The following FAM204A variants were observed in gnomAD, a reference collection of about 807,000 sequenced individuals.
FAM204A encodes the protein protein FAM204A.
A neutral mutation model predicts 35.4 loss-of-function variants in FAM204A; 16 were observed. The ratio of observed to expected loss-of-function variants is 0.45; its 90% CI spans 0.31 to 0.69. The LOEUF is 0.69. Among genes scored for constraint, FAM204A ranks in the 30% least tolerant of loss-of-function variants. FAM204A has a pLI of 0.07. For missense variants in FAM204A, 240 were observed against 265.7 expected, an observed-to-expected ratio of 0.90 and a Z score of 0.67; for synonymous variants, 76 against 86.9, an observed-to-expected ratio of 0.88 and a Z score of 0.70.
At chr10:118,333,863 T>TA (rs1275187061) in intron 6 of FAM204A, among the ~76,000 whole-genome samples, 3 of 152,306 alleles carry the variant, frequency 2.0e-5, no homozygotes, top group African/African-American at 7.2e-5. Context: ...ATGATGGATT[T>TA]AAAATCAGAG....
intron 7 of FAM204A, among the ~76,000 whole-genome samples, chr10:118,317,952 C>A (rs1846056903): frequency 6.6e-6 from 1 of 151,976 alleles, no homozygotes; most frequent in Admixed American, 6.6e-5. Context: ...ACACACATAT[C>A]CTTCCCAGAG....
intron 7 of FAM204A, chr10:118,311,539 G>A: frequency 4.9e-6 from 2 of 407,352 alleles, no homozygotes; most frequent in Non-Finnish European, 8.6e-6. Context: ...CTCCTGGATG[G>A]AAATCCTTCT....
At position 118,298,116 on chromosome 10, in the gene FAM204A, ATCT is replaced by A. The variant is rs1845768870; in HGVS notation, c.*12738_*12740del. On this transcript the variant is annotated 3_prime_UTR_variant, in exon 9 of 9. Transcript: ENST00000369183. ...GCAGCACACTACTGCCATCTCCTTTATCTTAAATGTGTGTGGGAGTGAGAGAGC... is the reference window on the plus strand; with the variant it reads ...GCAGCACACTACTGCCATCTCCTTTATAAATGTGTGTGGGAGTGAGAGAGC... The A allele has an allele frequency of 1.3e-5, 2 of 152,168 alleles. No homozygotes were observed. The highest frequency in any genetic ancestry group is 2.9e-5 in the Non-Finnish European group (2 of 68,056). The allele number at this position is 152,168 out of a possible 1,614,324, so 9.4% of individuals were successfully genotyped here. A position where few individuals can be genotyped will look rare whatever the true frequency, so the allele number is the denominator to read the frequency against.
intron 6 of FAM204A, among the ~76,000 whole-genome samples, chr10:118,328,444 CG>C (rs955587257): frequency 2.0e-5 from 3 of 151,236 alleles, no homozygotes; most frequent in African/African-American, 7.3e-5. Flanking sequence ...TCTAGGCTGG[CG>C]GCCCAGCAAT....
chr10:118,312,031 T>C (rs1282307358), intron 7 of FAM204A, among the ~76,000 whole-genome samples: 1 of 152,004 alleles, frequency 6.6e-6, no homozygotes, highest in South Asian at 2.1e-4. Flanking sequence ...CCTAAAACAG[T>C]CCCTGTTTCT....
Position 118,336,108 on chromosome 10 carries a change from T to C in FAM204A, c.234+74A>G, listed in dbSNP as rs878965887. The C allele has an allele frequency of 1.3e-5, 20 of 1,526,788 alleles. No homozygotes were observed. The Admixed American group carries it at 3.6e-4, about 28-fold the overall frequency. 94.6% of individuals were successfully genotyped at this position (1,526,788 alleles called of 1,614,324 possible). The stretch of plus-strand genomic sequence containing the variant: ...AAGTCCCAAGAATACATGCACATTC[T>C]GACCAGGGCAGAGACACACAGAGGC... On this transcript the variant is annotated intron_variant, in intron 3 of 8. Coordinates refer to ENST00000369183, the MANE Select transcript of FAM204A (RefSeq NM_022063.3).
At chr10:118,336,088 C>CCAAGAATACATGCA (rs1846380976) in intron 3 of FAM204A, 94 bp downstream of exon 3, 1 of 1,433,912 alleles carries the variant, frequency 7.0e-7, no homozygotes, top group South Asian at 1.4e-5. Flanking sequence ...CTGTTAAGTC[C>CCAAGAATACATGCA]CAAGAATACA....
At chr10:118,316,110 A>C (rs1846025736) in intron 7 of FAM204A, among the ~76,000 whole-genome samples, 1 of 152,202 alleles carries the variant, frequency 6.6e-6, no homozygotes, top group Admixed American at 6.5e-5. Flanking sequence ...GCAAAGAAAT[A>C]GCCAAAGTTG....
chr10:118,336,481 C>G, intron 2 of FAM204A, 58 bp from the exon 3 acceptor site: 1 of 1,440,516 alleles, frequency 6.9e-7, no homozygotes, highest in South Asian at 1.4e-5. Context: ...AATTTTAAGA[C>G]CATTAGAAGA....
chr10:118,301,321 C>T lies in FAM204A; in HGVS notation c.*9536G>A, dbSNP rs1174490914. 6.6e-6 allele frequency: 1 copy of T among 152,176 alleles called. No homozygotes were observed. The highest frequency in any genetic ancestry group is 1.5e-5 in the Non-Finnish European group (1 of 68,036). The allele number at this position is 152,176 out of a possible 1,614,324, so 9.4% of individuals were successfully genotyped here. A position where few individuals can be genotyped will look rare whatever the true frequency, so the allele number is the denominator to read the frequency against. ...TTAGCAAGTCAGTTGGCCAGTTTTA[C>T]AAATGCTGATAGAAGACACTAGACT... is the stretch of plus-strand genomic sequence containing the variant. On this transcript the variant is annotated 3_prime_UTR_variant, in exon 9 of 9. Transcript: ENST00000369183.
Position 118,335,616 on chromosome 10 carries a change from T to C in FAM204A, c.260A>G (p.His87Arg), listed in dbSNP as rs768875906. 5.0e-6 allele frequency: 8 copies of C among 1,608,388 alleles called. No homozygotes were observed. The African/African-American group carries it at 5.4e-5, about 11-fold the overall frequency. The change falls in exon 4 of 9, where the codon CAT becomes CGT. Residue 87 changes from histidine to arginine, a missense_variant. Physicochemically the swap from His to Arg is conservative, Grantham distance 29. Coordinates refer to ENST00000369183, the MANE Select transcript of FAM204A (RefSeq NM_022063.3). ...WNKFQELHKK[H>R]SEQKSTTSRF... is the part of the protein sequence containing the mutation. ...TGAGGTTGTGCTTTTCTGTTCAGAATGTTTTTTATGCAATTCTTGAAATTT... is the reference window on the plus strand; with the variant it reads ...TGAGGTTGTGCTTTTCTGTTCAGAACGTTTTTTATGCAATTCTTGAAATTT...
intron 7 of FAM204A, among the ~76,000 whole-genome samples, chr10:118,324,070 T>C (rs755275455): frequency 2.6e-5 from 4 of 152,110 alleles, no homozygotes; most frequent in African/African-American, 9.7e-5. Context: ...CAACACACTT[T>C]CAAATTCACT....
At position 118,306,714 on chromosome 10, in the gene FAM204A, G is replaced by A. The variant is rs182044095; in HGVS notation, c.*4143C>T. ...TCACTATTGAGTAGGAGATAATAAAGAGACAACACACCTCATTTTAACAGT... is the reference window on the plus strand; with the variant it reads ...TCACTATTGAGTAGGAGATAATAAAAAGACAACACACCTCATTTTAACAGT... On this transcript the variant is annotated 3_prime_UTR_variant, in exon 9 of 9. Coordinates refer to ENST00000369183, the MANE Select transcript of FAM204A (RefSeq NM_022063.3). 1 of 152,190 alleles carries A rather than the reference G, an allele frequency of 6.6e-6. No individual in the cohort carries two copies. The highest frequency in any genetic ancestry group is 1.5e-5 in the Non-Finnish European group (1 of 68,026). 9.4% of individuals were successfully genotyped at this position (152,190 alleles called of 1,614,324 possible). A position where few individuals can be genotyped will look rare whatever the true frequency, so the allele number is the denominator to read the frequency against.
intron 2 of FAM204A, among the ~76,000 whole-genome samples, chr10:118,339,464 G>GT (rs1387338248): frequency 3.3e-5 from 5 of 152,064 alleles, no homozygotes; most frequent in African/African-American, 4.8e-5. Flanking sequence ...CTTTCAGAGC[G>GT]TATTTCTTTA....
chr10:118,337,806 G>C (rs1285128934), intron 2 of FAM204A, among the ~76,000 whole-genome samples: 2 of 152,130 alleles, frequency 1.3e-5, no homozygotes, highest in Non-Finnish European at 2.9e-5. Flanking sequence ...GTGTTTAGGA[G>C]GTCCTAGGGG....
intron 2 of FAM204A, among the ~76,000 whole-genome samples, chr10:118,340,870 A>G (rs1324804645): frequency 1.3e-5 from 2 of 150,088 alleles, no homozygotes. Context: ...TGACTTGCCT[A>G]ATGCATTCTG....
intron 7 of FAM204A, among the ~76,000 whole-genome samples, chr10:118,316,275 T>C (rs1056419196): frequency 6.6e-6 from 1 of 152,172 alleles, no homozygotes; most frequent in African/African-American, 2.4e-5. Context: ...TTTAAGAAAC[T>C]GGTGGTATAT....
At chr10:118,327,486 C>T (rs898131300) in intron 6 of FAM204A, among the ~76,000 whole-genome samples, 1 of 152,192 alleles carries the variant, frequency 6.6e-6, no homozygotes, top group African/African-American at 2.4e-5. Context: ...CATTCAACAG[C>T]GCTTCATAGT....
Position 118,311,295 on chromosome 10 carries a change from T to C in FAM204A, c.562A>G (p.Lys188Glu), listed in dbSNP as rs545733360. The C allele has an allele frequency of 1.9e-6, 3 of 1,603,810 alleles. No homozygotes were observed. The highest frequency in any genetic ancestry group is 2.7e-5 in the African/African-American group (2 of 73,774). The change falls in exon 8 of 9, where the codon AAA becomes GAA. Residue 188 changes from lysine (K) to glutamate (E), a missense_variant. This residue lies in a region of FAM204A where 232 missense variants were observed against 242.8 expected (regional missense o/e 0.96). Coordinates refer to ENST00000369183, the MANE Select transcript of FAM204A (RefSeq NM_022063.3). Reference sequence around the variant, plus strand: ...ACAAAGTTGTGGCAGGCAACTGCTTTGGCAATTTTTACACCAAGCTAAGAA... The same window carrying C: ...ACAAAGTTGTGGCAGGCAACTGCTTCGGCAATTTTTACACCAAGCTAAGAA... ...ATRELGVKIAKAVACHNFVKA... is the reference protein window; with the variant it reads ...ATRELGVKIAEAVACHNFVKA...
Sources: gnomAD v4.1 joint callset for allele counts (sites outside exome capture counted in the v4.1 genomes callset) on GRCh38, gnomAD v4.1.1 for gene constraint, gnomAD v4.1.1 regional missense constraint, MANE v1.5 for transcripts, NCBI Gene and HGNC (gene_info 2026-07-23, HGNC 2026-07-21) for gene names.